Variants in TGFA observed in about 807,000 individuals in gnomAD.
TGFA encodes transforming growth factor alpha.
A neutral mutation model predicts 21.7 loss-of-function variants in TGFA; 12 were observed. The ratio of observed to expected loss-of-function variants is 0.55; its 90% CI spans 0.35 to 0.90. The LOEUF (loss-of-function observed/expected upper bound fraction) is 0.90. Ranked by LOEUF, TGFA falls within the 40% of genes least tolerant of loss-of-function variation. The probability of loss-of-function intolerance (pLI) is 0.01; values close to 1 mark genes in which losing one functional copy is unlikely to be tolerated. For synonymous variants in TGFA, 79 were observed against 88.1 expected (o/e 0.90, Z 0.58); for missense variants, 178 against 210.8 (o/e 0.84, Z 0.96).
At chr2:70,475,660 G>A (rs1026026967) in intron 2 of TGFA, among the ~76,000 whole-genome samples, 1 of 152,064 alleles carries the variant, frequency 6.6e-6, no homozygotes, top group South Asian at 2.1e-4. Flanking sequence ...AGAATTAAAA[G>A]GGCTAAGAGT....
At chr2:70,463,490 C>T (rs781858204) in intron 3 of TGFA, among the ~76,000 whole-genome samples, 2 of 152,184 alleles carry the variant, frequency 1.3e-5, no homozygotes, top group African/African-American at 2.4e-5. Context: ...GGGGGCTCTT[C>T]TGCCACACAG....
At chr2:70,456,065 G>T (rs1338390947) in intron 4 of TGFA, among the ~76,000 whole-genome samples, 1 of 152,226 alleles carries the variant, frequency 6.6e-6, no homozygotes, top group African/African-American at 2.4e-5. Flanking sequence ...TCCAACAACC[G>T]TGGAAAGAAC....
intron 1 of TGFA, 129 bp downstream of exon 1, chr2:70,553,599 C>T (rs576797674): frequency 7.6e-7 from 1 of 1,317,948 alleles, no homozygotes; most frequent in Non-Finnish European, 9.7e-7. Context: ...GGCGCCAACC[C>T]ATTGAGACTA....
intron 2 of TGFA, among the ~76,000 whole-genome samples, chr2:70,501,837 G>A (rs1164451382): frequency 1.3e-5 from 2 of 152,216 alleles, no homozygotes; most frequent in African/African-American, 4.8e-5. Flanking sequence ...GTCTCCATCT[G>A]TGATCATCAC....
chr2:70,552,067 C>G (rs1362700275), intron 1 of TGFA, among the ~76,000 whole-genome samples: 2 of 152,220 alleles, frequency 1.3e-5, no homozygotes, highest in East Asian at 3.8e-4. Context: ...CACATAATCT[C>G]TCTTTAAGGC....
intron 2 of TGFA, among the ~76,000 whole-genome samples, chr2:70,514,353 C>T (rs1553501299): frequency 6.6e-6 from 1 of 151,874 alleles, no homozygotes. Flanking sequence ...GATGGTTTGC[C>T]TCCTACATGT....
chr2:70,451,527 T>A (rs1392098000), intron 5 of TGFA, among the ~76,000 whole-genome samples: 5 of 152,128 alleles, frequency 3.3e-5, no homozygotes, highest in Non-Finnish European at 7.4e-5. Flanking sequence ...CAGGTTGCCA[T>A]CTCTAAAGGC....
chr2:70,522,729 G>C (rs1437878019), intron 1 of TGFA, among the ~76,000 whole-genome samples: 1 of 152,152 alleles, frequency 6.6e-6, no homozygotes, highest in Non-Finnish European at 1.5e-5. Context: ...TTTATTTTAA[G>C]TTCAGGGGTA....
chr2:70,456,536 T>C (rs782543888), intron 3 of TGFA, 48 bp from the exon 4 acceptor site: 1 of 1,551,810 alleles, frequency 6.4e-7, no homozygotes, highest in Non-Finnish European at 8.7e-7. Context: ...AAAGGTCTTG[T>C]TACCCTAGCT....
At chr2:70,466,964 A>G (rs782433521) in intron 2 of TGFA, among the ~76,000 whole-genome samples, 24 of 152,264 alleles carry the variant, frequency 1.6e-4, no homozygotes, top group Non-Finnish European at 2.2e-4. Context: ...GTTCTCACTT[A>G]TAAGTGGGAG....
intron 2 of TGFA, among the ~76,000 whole-genome samples, chr2:70,495,235 C>T (rs1553498183): frequency 6.6e-6 from 1 of 152,234 alleles, no homozygotes; most frequent in Non-Finnish European, 1.5e-5. Flanking sequence ...TCAGCTTATG[C>T]ATAACTGGGT....
intron 1 of TGFA, among the ~76,000 whole-genome samples, chr2:70,516,682 C>A (rs1265842387): frequency 6.6e-6 from 1 of 152,202 alleles, no homozygotes; most frequent in Non-Finnish European, 1.5e-5. Context: ...AACAAGGCAT[C>A]CCCATCCAAG....
chr2:70,552,379 G>A (rs574731031), intron 1 of TGFA, among the ~76,000 whole-genome samples: 2 of 152,206 alleles, frequency 1.3e-5, no homozygotes, highest in South Asian at 4.1e-4. Context: ...ACATTACAAG[G>A]GATAATTATA....
intron 1 of TGFA, among the ~76,000 whole-genome samples, chr2:70,549,019 T>C (rs1673401521): frequency 6.6e-6 from 1 of 152,200 alleles, no homozygotes. Context: ...CTTAAACATA[T>C]TAGCCCTTTA....
intron 1 of TGFA, 55 bp from the exon 2 acceptor site, chr2:70,514,967 C>T (rs1672227261): frequency 1.3e-6 from 2 of 1,557,352 alleles, no homozygotes; most frequent in Non-Finnish European, 1.8e-6. Context: ...CAAATGATGT[C>T]CTCAGACGCT....
At chr2:70,515,522 A>C (rs1672244884) in intron 1 of TGFA, among the ~76,000 whole-genome samples, 1 of 152,130 alleles carries the variant, frequency 6.6e-6, no homozygotes. Flanking sequence ...TGAGGGGTCT[A>C]GTCAGGTATC....
At chr2:70,466,618 G>A (rs1670573028) in intron 2 of TGFA, among the ~76,000 whole-genome samples, 1 of 152,220 alleles carries the variant, frequency 6.6e-6, no homozygotes, top group Admixed American at 6.5e-5. Flanking sequence ...GATGGTAGCA[G>A]GGCTTCTCTT....
At chr2:70,499,318 G>A (rs958491552) in intron 2 of TGFA, among the ~76,000 whole-genome samples, 17 of 152,210 alleles carry the variant, frequency 1.1e-4, no homozygotes, top group African/African-American at 3.9e-4. Context: ...ATAACTAGGC[G>A]GGAGTACCCA....
intron 1 of TGFA, among the ~76,000 whole-genome samples, chr2:70,529,621 G>A (rs1234316501): frequency 2.6e-5 from 4 of 152,070 alleles, no homozygotes; most frequent in Non-Finnish European, 4.4e-5. Flanking sequence ...AGAGCAGGTG[G>A]CTGCTGTGGC....
Sources: gnomAD v4.1 joint callset for allele counts (sites outside exome capture counted in the v4.1 genomes callset) on GRCh38, gnomAD v4.1.1 for gene constraint, MANE v1.5 for transcripts, NCBI Gene and HGNC (gene_info 2026-07-23, HGNC 2026-07-21) for gene names.